The following SAMSN1 variants were observed in gnomAD, a reference collection of about 807,000 sequenced individuals.
The protein encoded by SAMSN1 is SAM domain, SH3 domain and nuclear localization signals 1, also known as SAM domain-containing protein SAMSN-1.
SAMSN1 carries 31 observed loss-of-function variants against 42.0 expected under a neutral mutation model. The observed-to-expected ratio is 0.74, with a 90% CI of 0.55 to 1.00. The LOEUF (loss-of-function observed/expected upper bound fraction) is 1.00, where lower values mean the gene tolerates loss of function less well. Among genes scored for constraint, SAMSN1 ranks in the 50% least tolerant of loss-of-function variants. The pLI is 0.00. For synonymous variants in SAMSN1, 178 were observed against 151.9 expected, an observed-to-expected ratio of 1.17 and a Z score of -1.26; for missense variants, 464 against 439.4, an observed-to-expected ratio of 1.06 and a Z score of -0.50.
At chr21:14,528,169 C>CT (rs1476268886) in intron 1 of SAMSN1, among the ~76,000 whole-genome samples, 1 of 152,040 alleles carries the variant, frequency 6.6e-6, no homozygotes, top group Non-Finnish European at 1.5e-5. Flanking sequence ...CTATCGTGAA[C>CT]TGCTCAATTT....
chr21:14,648,488 A>T (rs564940391), intron 1 of SAMSN1, among the ~76,000 whole-genome samples: 1 of 152,272 alleles, frequency 6.6e-6, no homozygotes, highest in South Asian at 2.1e-4. Flanking sequence ...AGGCAACCTA[A>T]AAAATGGGAG....
rs1282854588 is a variant in SAMSN1 at position 14,516,920 on chromosome 21, T to C, written c.251A>G (p.Lys84Arg). 5.0e-6 allele frequency: 8 copies of C among 1,611,614 alleles called. No individual in the cohort carries two copies. The highest frequency in any genetic ancestry group is 6.8e-6 in the Non-Finnish European group (8 of 1,179,096). Residue 84 changes from lysine to arginine, a missense_variant, in exon 3 of 8, where the codon AAG becomes AGG. Lys to Arg is a conservative substitution (Grantham distance 26). Transcript: ENST00000400566. ...SWTMKKKVGK[K>R]YIKALSEEKD... is the part of the protein sequence containing the mutation. ...TTCCTCAGAAAGGGCTTTGATGTAC[T>C]TTTTACCCACTTTTTTCTTCATTGT...
chr21:14,535,581 TGA>T (rs1979553965), intron 1 of SAMSN1, among the ~76,000 whole-genome samples: 1 of 152,202 alleles, frequency 6.6e-6, no homozygotes, highest in Non-Finnish European at 1.5e-5. Flanking sequence ...CCTCAGACCA[TGA>T]CTGTATTTGG....
chr21:14,519,897 G>T (rs898469880), intron 2 of SAMSN1, among the ~76,000 whole-genome samples: 1 of 152,028 alleles, frequency 6.6e-6, no homozygotes, highest in African/African-American at 2.4e-5. Context: ...TAGCATATGT[G>T]GCCCCTACTT....
intron 4 of SAMSN1, among the ~76,000 whole-genome samples, chr21:14,511,092 C>T (rs1485535601): frequency 1.3e-5 from 2 of 152,162 alleles, no homozygotes; most frequent in East Asian, 1.9e-4. Context: ...TTCTCCTCCC[C>T]CACCCTCATA....
At chr21:14,617,415 A>G (rs1982868427) in intron 2 of SAMSN1, among the ~76,000 whole-genome samples, 1 of 152,184 alleles carries the variant, frequency 6.6e-6, no homozygotes, top group Non-Finnish European at 1.5e-5. Flanking sequence ...ATCAGTAGCC[A>G]CTCACATTTA....
intron 1 of SAMSN1, among the ~76,000 whole-genome samples, chr21:14,644,301 C>T (rs531169426): frequency 2.0e-4 from 30 of 151,250 alleles, no homozygotes; most frequent in Middle Eastern, 6.9e-3. Context: ...TGTAGGGAGG[C>T]CTTTGTCTTG....
intron 6 of SAMSN1, among the ~76,000 whole-genome samples, chr21:14,599,499 C>T (rs1982371618): frequency 6.6e-6 from 1 of 152,142 alleles, no homozygotes; most frequent in African/African-American, 2.4e-5. Flanking sequence ...ATTACTTAGC[C>T]TCGGGTATTT....
intron 2 of SAMSN1, among the ~76,000 whole-genome samples, chr21:14,573,124 A>C (rs1981353115): frequency 6.6e-6 from 1 of 152,148 alleles, no homozygotes; most frequent in African/African-American, 2.4e-5. Context: ...GAACCACTCA[A>C]GGTGGCACCT....
chr21:14,491,659 G>T (rs1026572934), intron 7 of SAMSN1, among the ~76,000 whole-genome samples: 1 of 152,134 alleles, frequency 6.6e-6, no homozygotes, highest in Non-Finnish European at 1.5e-5. Flanking sequence ...CAGTATACAA[G>T]TGTTCAACTC....
At chr21:14,579,867 A>G (rs1198019549) in intron 2 of SAMSN1, among the ~76,000 whole-genome samples, 1 of 152,158 alleles carries the variant, frequency 6.6e-6, no homozygotes, top group Non-Finnish European at 1.5e-5. Flanking sequence ...AAGTATACAA[A>G]TACTGAACTA....
chr21:14,551,954 G>A (rs1980610423), intron 2 of SAMSN1, among the ~76,000 whole-genome samples: 1 of 151,990 alleles, frequency 6.6e-6, no homozygotes, highest in Non-Finnish European at 1.5e-5. Flanking sequence ...GCATAAAATG[G>A]GAATGATTAA....
At chr21:14,569,731 T>C (rs1981232478) in intron 2 of SAMSN1, among the ~76,000 whole-genome samples, 1 of 152,214 alleles carries the variant, frequency 6.6e-6, no homozygotes, top group Non-Finnish European at 1.5e-5. Context: ...AGTTCTATCA[T>C]TAACTGCTAC....
chr21:14,640,364 A>G (rs145918979), intron 2 of SAMSN1, among the ~76,000 whole-genome samples: 34 of 152,274 alleles, frequency 2.2e-4, no homozygotes, highest in African/African-American at 8.2e-4. Flanking sequence ...TGGAAAGGTT[A>G]CAAATACCCG....
At chr21:14,592,513 C>G in intron 7 of SAMSN1, 1 of 208,314 alleles carries the variant, frequency 4.8e-6, no homozygotes, top group Non-Finnish European at 1.1e-5. Context: ...CTTCTCCTCT[C>G]TGCACTTCAG....
At chr21:14,642,827 T>C (rs1171354442) in intron 2 of SAMSN1, among the ~76,000 whole-genome samples, 1 of 152,128 alleles carries the variant, frequency 6.6e-6, no homozygotes, top group East Asian at 1.9e-4. Context: ...TGGTTCATAT[T>C]AATAAGCCAA....
intron 5 of SAMSN1, among the ~76,000 whole-genome samples, chr21:14,507,182 T>C (rs952785306): frequency 2.0e-5 from 3 of 152,124 alleles, no homozygotes; most frequent in African/African-American, 4.8e-5. Flanking sequence ...GTACTGGAAG[T>C]CCTAGCCAGA....
intron 1 of SAMSN1, among the ~76,000 whole-genome samples, chr21:14,658,137 C>T (rs1391268828): frequency 6.6e-6 from 1 of 151,774 alleles, no homozygotes; most frequent in Non-Finnish European, 1.5e-5. Flanking sequence ...TTTTCAGATC[C>T]ATGACTACCT....
chr21:14,624,139 A>G (rs1983098174), intron 2 of SAMSN1, among the ~76,000 whole-genome samples: 1 of 152,230 alleles, frequency 6.6e-6, no homozygotes, highest in South Asian at 2.1e-4. Flanking sequence ...GTATAGAGGG[A>G]AATTTATAGC....
Sources: allele counts gnomAD v4.1 joint callset (sites outside exome capture counted in the v4.1 genomes callset), GRCh38; gene constraint gnomAD v4.1.1; transcripts MANE v1.5; gene names NCBI Gene and HGNC (gene_info 2026-07-23, HGNC 2026-07-21).